Variants in RBFOX1 observed in about 807,000 individuals in gnomAD.
The protein encoded by RBFOX1 is RNA binding fox-1 homolog 1.
Under a neutral mutation model 57.7 loss-of-function variants are expected in RBFOX1, and 8 were observed. The observed-to-expected ratio is 0.14, with a 90% CI of 0.08 to 0.25. The LOEUF (loss-of-function observed/expected upper bound fraction) is 0.25, where lower values mean the gene tolerates loss of function less well. Among genes scored for constraint, RBFOX1 ranks in the 10% least tolerant of loss-of-function variants. The pLI is 1.00. For synonymous variants in RBFOX1, 326 were observed against 222.4 expected (o/e 1.47, Z -4.15); for missense variants, 611 against 548.5 (o/e 1.11, Z -1.14).
chr16:5,864,137 A>T (rs528472472), intron 3 of RBFOX1, among the ~76,000 whole-genome samples: 2 of 152,158 alleles, frequency 1.3e-5, no homozygotes, highest in East Asian at 3.9e-4. Context: ...TCCAACTTCT[A>T]GGTGAGGATA....
intron 3 of RBFOX1, among the ~76,000 whole-genome samples, chr16:6,742,592 C>T (rs1419168655): frequency 2.0e-5 from 3 of 152,130 alleles, no homozygotes; most frequent in Non-Finnish European, 4.4e-5. Flanking sequence ...AAAATATCTA[C>T]AGTAGGTGAA....
chr16:5,975,191 C>G lies in RBFOX1; in HGVS notation c.351+107856C>G, dbSNP rs369676528. On this transcript the variant is annotated intron_variant, in intron 4 of 19. Coordinates refer to the RBFOX1 transcript ENST00000641259. ...ATAAATTCCAACAGCCTAGCTGACT[C>G]CTCTTTCTCGATGCCGGCTTGGGAT... Among the ~76,000 whole-genome samples the G allele has an allele frequency of 1.2e-4, 19 of 152,266 alleles. No individual in the cohort carries two copies. In the South Asian group the frequency reaches 3.3e-3, roughly 27 times the overall value.
At chr16:7,575,015 A>T (rs140135869) in intron 5 of RBFOX1, among the ~76,000 whole-genome samples, 16 of 150,784 alleles carry the variant, frequency 1.1e-4, no homozygotes, top group African/African-American at 3.9e-4. Flanking sequence ...ACCTCCAAAA[A>T]ATATGTCCTT....
intron 2 of RBFOX1, among the ~76,000 whole-genome samples, chr16:6,364,488 A>G (rs1451890987): frequency 6.6e-6 from 1 of 152,044 alleles, no homozygotes; most frequent in Non-Finnish European, 1.5e-5. Flanking sequence ...AGCAGACCTC[A>G]TCTGTTCTCT....
intron 1 of RBFOX1, among the ~76,000 whole-genome samples, chr16:5,263,771 A>G (rs1258365186): frequency 6.6e-6 from 1 of 152,088 alleles, no homozygotes; most frequent in Non-Finnish European, 1.5e-5. Context: ...ACCCCTAGGG[A>G]TGGGTTTGGG....
chr16:5,724,366 G>A (rs74006234), intron 3 of RBFOX1, among the ~76,000 whole-genome samples: 8,198 of 152,178 alleles, frequency 0.054, 594 homozygotes, highest in African/African-American at 0.15. Context: ...CTGGGGCTCT[G>A]TGAGAGCATT....
chr16:7,042,320 G>T (rs1165157088), intron 3 of RBFOX1, among the ~76,000 whole-genome samples: 1 of 152,084 alleles, frequency 6.6e-6, no homozygotes, highest in Admixed American at 6.6e-5. Context: ...GGTTTTGTTT[G>T]GTTTACCTGA....
intron 4 of RBFOX1, among the ~76,000 whole-genome samples, chr16:7,361,888 T>G: frequency 6.6e-6 from 1 of 151,646 alleles, no homozygotes; most frequent in Non-Finnish European, 1.5e-5. Context: ...GTGTATATGT[T>G]AGTATGTGTA....
intron 4 of RBFOX1, among the ~76,000 whole-genome samples, chr16:7,445,998 T>A (rs377690806): frequency 6.6e-6 from 1 of 152,140 alleles, no homozygotes; most frequent in African/African-American, 2.4e-5. Context: ...ATCTTCTCTT[T>A]CTAATCTCAG....
At chr16:7,169,228 C>T (rs560002848) in intron 4 of RBFOX1, among the ~76,000 whole-genome samples, 112 of 152,188 alleles carry the variant, frequency 7.4e-4, no homozygotes, top group African/African-American at 2.0e-3. Flanking sequence ...ATAATGGTGA[C>T]GATGAAAATC....
chr16:5,710,455 C>T (rs567659767), intron 3 of RBFOX1, among the ~76,000 whole-genome samples: 31 of 152,244 alleles, frequency 2.0e-4, no homozygotes, highest in African/African-American at 6.5e-4. Flanking sequence ...GAGACTTTGC[C>T]GTGGCTGCTG....
intron 3 of RBFOX1, among the ~76,000 whole-genome samples, chr16:6,789,985 C>T (rs990511650): frequency 5.9e-5 from 9 of 151,332 alleles, no homozygotes; most frequent in African/African-American, 7.3e-5. Context: ...TGGTTTCTTA[C>T]GTTTATGAAT....
chr16:7,197,998 C>CTTTCTTTTTT (rs61556349), intron 4 of RBFOX1, among the ~76,000 whole-genome samples: 2 of 55,592 alleles, frequency 3.6e-5, no homozygotes, highest in African/African-American at 7.4e-5. Flanking sequence ...TTCTTTCTTT[C>CTTTCTTTTTT]TTTTTTTTTT....
Position 5,332,071 on chromosome 16 carries a change from G to T in RBFOX1, c.219+91966G>T, listed in dbSNP as rs187089487. On this transcript the variant is annotated intron_variant, in intron 1 of 2. Transcript: ENST00000585867. The stretch of plus-strand genomic sequence containing the variant: ...CTTTAATCATAATGGCTTTGGAACA[G>T]TGGATCTTTTCGGTTTCTTGTTTTC... 5.4e-3 allele frequency among the ~76,000 whole-genome samples: 819 copies of T among 152,304 alleles called. 4 individuals are homozygous for T. Among genetic ancestry groups the T allele is most frequent in the Non-Finnish European group, 8.4e-3 (574 of 68,032 alleles).
intron 11 of RBFOX1, 120 bp from the exon 12 acceptor site, chr16:7,653,695 C>T (rs1241273754): frequency 2.1e-6 from 3 of 1,406,528 alleles, no homozygotes; most frequent in African/African-American, 1.4e-5. Context: ...TTCCGGGAAG[C>T]GGGCGGGGGT....
At chr16:7,652,766 G>T (rs1461046006) in intron 11 of RBFOX1, among the ~76,000 whole-genome samples, 1 of 152,170 alleles carries the variant, frequency 6.6e-6, no homozygotes, top group Non-Finnish European at 1.5e-5. Flanking sequence ...AATCATGCTG[G>T]TTGCCTTTGC....
chr16:7,567,157 A>ATG (rs1436578116), intron 5 of RBFOX1, among the ~76,000 whole-genome samples: 4 of 147,116 alleles, frequency 2.7e-5, no homozygotes, highest in Admixed American at 2.1e-4. Flanking sequence ...ATCCCTATAT[A>ATG]TATATCCATA....
At chr16:7,061,105 G>A (rs896030773) in intron 4 of RBFOX1, among the ~76,000 whole-genome samples, 1 of 152,022 alleles carries the variant, frequency 6.6e-6, no homozygotes, top group Non-Finnish European at 1.5e-5. Flanking sequence ...CTTACATAAC[G>A]AATGGTCCCA....
At chr16:7,458,779 C>G (rs1217985091) in intron 4 of RBFOX1, among the ~76,000 whole-genome samples, 1 of 152,124 alleles carries the variant, frequency 6.6e-6, no homozygotes, top group East Asian at 1.9e-4. Flanking sequence ...AAAATCAGAC[C>G]CCCTCTTCAC....
Sources: allele counts gnomAD v4.1 joint callset (sites outside exome capture counted in the v4.1 genomes callset), GRCh38; gene constraint gnomAD v4.1.1; transcripts MANE v1.5; gene names NCBI Gene and HGNC (gene_info 2026-07-23, HGNC 2026-07-21).